The following EYS variants were observed in gnomAD, a reference collection of about 807,000 sequenced individuals.
EYS encodes the protein protein eyes shut homolog.
In EYS, 250 loss-of-function variants were observed where a neutral mutation model predicts 282.1. The ratio of observed to expected loss-of-function variants is 0.89; its 90% confidence interval spans 0.80 to 0.98. The LOEUF is 0.98. EYS is among the 50% of genes least tolerant of loss of function. The pLI is 0.00. For missense variants in EYS, 4,016 were observed against 3,709.0 expected (o/e 1.08, Z -2.15); for synonymous variants, 1,355 against 1,282.9 (o/e 1.06, Z -1.20).
rs189849899 is a variant in EYS, at chr6:64,388,120, G to C, written c.6078+570C>G. On this transcript the variant is annotated intron_variant, in intron 29 of 42. Transcript: ENST00000503581. ...GCAATTTGCTGCAACAACATAAAAT[G>C]GAACCAAATAATAGCATTTAAGTCA... 2.6e-5 allele frequency among the ~76,000 whole-genome samples: 4 copies of C among 152,094 alleles called. No individual in the cohort carries two copies. In the East Asian group the frequency reaches 7.7e-4, roughly 29 times the overall value.
At chr6:65,176,136 A>C (rs1047787185) in intron 12 of EYS, among the ~76,000 whole-genome samples, 1 of 151,538 alleles carries the variant, frequency 6.6e-6, no homozygotes. Flanking sequence ...TAAATCCACA[A>C]TACAGAATTG....
chr6:63,908,008 AAACGT>A, intron 35 of EYS, among the ~76,000 whole-genome samples: 1 of 23,624 alleles, frequency 4.2e-5, no homozygotes, highest in East Asian at 1.3e-3. Flanking sequence ...ACACACACAC[AAACGT>A]ATATATATAT....
At chr6:64,852,172 T>C (rs1765907141) in intron 19 of EYS, among the ~76,000 whole-genome samples, 1 of 152,006 alleles carries the variant, frequency 6.6e-6, no homozygotes, top group Non-Finnish European at 1.5e-5. Context: ...GTCAACTTGA[T>C]TGGATTGAAG....
Position 63,721,419 on chromosome 6 carries a change from A to G in EYS, c.8612T>C (p.Val2871Ala), listed in dbSNP as rs1405484792. Reference sequence around the variant, plus strand: ...ACAGGCTGTCCCATCACAGTCACCTACATTTGAGCCACCTTTTGCTCCAAA... The same window carrying G: ...ACAGGCTGTCCCATCACAGTCACCTGCATTTGAGCCACCTTTTGCTCCAAA... ...TEFGAKGGSN[V>A]GDCDGTACGY... Residue 2871 changes from valine to alanine, a missense_variant, in exon 43 of 43, where the codon GTA (valine) becomes GCA (alanine). Physicochemically the swap from Val to Ala is moderately conservative, Grantham distance 64 (BLOSUM62 0). Coordinates refer to ENST00000503581, the MANE Select transcript of EYS (RefSeq NM_001142800.2). The G allele has an allele frequency of 5.8e-6, 9 of 1,551,736 alleles. No homozygotes were observed. The highest frequency in any genetic ancestry group is 7.8e-6 in the Non-Finnish European group (9 of 1,146,948).
intron 35 of EYS, among the ~76,000 whole-genome samples, chr6:63,924,793 A>G (rs1764670130): frequency 6.6e-6 from 1 of 152,236 alleles, no homozygotes; most frequent in African/African-American, 2.4e-5. Flanking sequence ...CAAAATTAGA[A>G]TTTATCTTCT....
At chr6:65,042,688 C>G (rs1174339285) in intron 13 of EYS, among the ~76,000 whole-genome samples, 1 of 151,242 alleles carries the variant, frequency 6.6e-6, no homozygotes, top group Admixed American at 6.6e-5. Context: ...TTGTCTTAAA[C>G]AGTTGCATGT....
intron 35 of EYS, among the ~76,000 whole-genome samples, chr6:63,905,123 G>A (rs756680504): frequency 4.6e-5 from 7 of 152,096 alleles, no homozygotes; most frequent in Non-Finnish European, 1.0e-4. Flanking sequence ...TACCTAGTAT[G>A]GATGTTTCAT....
intron 19 of EYS, among the ~76,000 whole-genome samples, chr6:64,865,401 C>T (rs1409272829): frequency 6.6e-6 from 1 of 151,886 alleles, no homozygotes; most frequent in African/African-American, 2.4e-5. Flanking sequence ...TCTAAAGAAG[C>T]CAAGTATGTG....
At position 65,475,082 on chromosome 6, in the gene EYS, A is replaced by G. The variant is rs558282699; in HGVS notation, c.862+15512T>C. Among the ~76,000 whole-genome samples, 10 of 152,254 alleles carry G rather than the reference A, an allele frequency of 6.6e-5. 1 individual carries two copies. Among genetic ancestry groups the G allele is most frequent in the African/African-American group, 2.4e-4 (10 of 41,572 alleles). On this transcript the variant is annotated intron_variant, in intron 5 of 42. Transcript: ENST00000503581. ...GACAAAAGTATTTTATCAGCATTCA[A>G]AATAAATTACTCAGAAAATTATAGT...
intron 1 of EYS, among the ~76,000 whole-genome samples, chr6:65,685,162 G>A (rs2149840395): frequency 6.6e-6 from 1 of 152,106 alleles, no homozygotes; most frequent in South Asian, 2.1e-4. Flanking sequence ...TACTAGACAG[G>A]TGAGTAGGGA....
In EYS at chr6:64,764,358, G is replaced by T. The variant is rs935634098; in HGVS notation, c.3443+49020C>A. ...CCAACACCACGTGGAAGCTGCCAAG[G>T]CTTGGGGCTTGTACCCTTTGAAGCC... On this transcript the variant is annotated intron_variant, in intron 22 of 42. Coordinates refer to ENST00000503581, the MANE Select transcript of EYS (RefSeq NM_001142800.2). Among the ~76,000 whole-genome samples the T allele has an allele frequency of 2.0e-5, 3 of 152,356 alleles. No homozygotes were observed. In the East Asian group the frequency reaches 5.8e-4, roughly 29 times the overall value.
intron 15 of EYS, among the ~76,000 whole-genome samples, chr6:64,933,224 A>G (rs755348855): frequency 1.7e-4 from 26 of 152,058 alleles, no homozygotes; most frequent in Non-Finnish European, 3.5e-4. Context: ...AGCAATTATT[A>G]AAAAATTAAA....
At chr6:65,331,392 C>T (rs1402810383) in intron 11 of EYS, 3 of 779,350 alleles carry the variant, frequency 3.8e-6, no homozygotes, top group Non-Finnish European at 4.7e-6. Context: ...TAATTCTAAA[C>T]ATTTTGCATA....
intron 41 of EYS, among the ~76,000 whole-genome samples, chr6:63,734,225 C>T (rs1768853183): frequency 6.6e-6 from 1 of 152,054 alleles, no homozygotes; most frequent in South Asian, 2.1e-4. Context: ...TAGAATCATG[C>T]AGCACACTCT....
chr6:65,019,105 T>C (rs1478154232), intron 13 of EYS, among the ~76,000 whole-genome samples: 1 of 152,200 alleles, frequency 6.6e-6, no homozygotes, highest in Admixed American at 6.5e-5. Flanking sequence ...ACTTGGATTT[T>C]ATTTTTGGGT....
intron 26 of EYS, among the ~76,000 whole-genome samples, chr6:64,476,087 A>T (rs915693387): frequency 2.0e-5 from 3 of 152,016 alleles, no homozygotes; most frequent in Non-Finnish European, 4.4e-5. Context: ...CACTGTTCCC[A>T]GGTTTGTTCT....
intron 22 of EYS, among the ~76,000 whole-genome samples, chr6:64,810,986 G>A (rs1025134682): frequency 3.3e-5 from 5 of 151,954 alleles, no homozygotes; most frequent in Non-Finnish European, 4.4e-5. Context: ...AGAACAATAA[G>A]TTCAATTTTC....
At chr6:65,021,629 C>T (rs1237410808) in intron 13 of EYS, among the ~76,000 whole-genome samples, 5 of 152,200 alleles carry the variant, frequency 3.3e-5, no homozygotes, top group Non-Finnish European at 7.3e-5. Context: ...TACCTAGTTT[C>T]AAGCTCAATT....
At chr6:65,107,529 A>G (rs1426777122) in intron 12 of EYS, among the ~76,000 whole-genome samples, 2 of 151,908 alleles carry the variant, frequency 1.3e-5, no homozygotes, top group African/African-American at 4.8e-5. Context: ...AATGTTCTTG[A>G]GAAAAGTGAG....
Sources: allele counts gnomAD v4.1 joint callset (sites outside exome capture counted in the v4.1 genomes callset), GRCh38; gene constraint gnomAD v4.1.1; transcripts MANE v1.5; gene names NCBI Gene and HGNC (gene_info 2026-07-23, HGNC 2026-07-21).